Variants in ANGPT1 observed in about 807,000 individuals in gnomAD.
ANGPT1 encodes angiopoietin 1, also known as angiopoietin-1.
ANGPT1 carries 17 observed loss-of-function variants against 62.2 expected under a neutral mutation model. The observed-to-expected ratio is 0.27, with a 90% CI of 0.19 to 0.41. The LOEUF (loss-of-function observed/expected upper bound fraction) is 0.41, where lower values mean the gene tolerates loss of function less well. Among genes scored for constraint, ANGPT1 ranks in the 10% least tolerant of loss-of-function variants. ANGPT1 has a pLI of 1.00. For missense variants in ANGPT1, 478 were observed against 594.9 expected (o/e 0.80, Z 2.04); for synonymous variants, 199 against 198.9 (o/e 1.00, Z 0.00).
intron 3 of ANGPT1, among the ~76,000 whole-genome samples, chr8:107,330,226 A>G (rs1815388391): frequency 6.6e-6 from 1 of 152,184 alleles, no homozygotes; most frequent in Non-Finnish European, 1.5e-5. Context: ...CTCAATCTTC[A>G]TCTTAACTTC....
chr8:107,482,764 G>T (rs76370540), intron 1 of ANGPT1, among the ~76,000 whole-genome samples: 2,173 of 152,204 alleles, frequency 0.014, 46 homozygotes, highest in African/African-American at 0.049. Flanking sequence ...GGTGAGGTGG[G>T]TGTGTTTTGT....
chr8:107,480,324 G>C (rs1812645444), intron 1 of ANGPT1, among the ~76,000 whole-genome samples: 1 of 152,020 alleles, frequency 6.6e-6, no homozygotes, highest in Admixed American at 6.6e-5. Flanking sequence ...AGAAGAATAA[G>C]GTATCTATTT....
intron 4 of ANGPT1, among the ~76,000 whole-genome samples, chr8:107,310,161 A>G (rs1023145835): frequency 4.9e-4 from 74 of 152,292 alleles, no homozygotes; most frequent in African/African-American, 1.8e-3. Context: ...AATAAAATCA[A>G]CTAGCATTAA....
intron 6 of ANGPT1, among the ~76,000 whole-genome samples, chr8:107,287,744 C>T (rs1254198019): frequency 6.6e-6 from 1 of 152,124 alleles, no homozygotes; most frequent in African/African-American, 2.4e-5. Flanking sequence ...TCTCTGGCTC[C>T]AGATTAAAGC....
intron 5 of ANGPT1, among the ~76,000 whole-genome samples, chr8:107,299,422 A>ATATATATACACAC: frequency 8.6e-6 from 1 of 116,140 alleles, no homozygotes; most frequent in African/African-American, 3.1e-5. Context: ...TATATATATA[A>ATATATATACACAC]ACATACATAT....
In ANGPT1 at chr8:107,249,909, G is replaced by T. The variant is rs1257654952; in HGVS notation, c.*1946C>A. 1 of 152,490 alleles carries T rather than the reference G, an allele frequency of 6.6e-6. No homozygotes were observed. The highest frequency in any genetic ancestry group is 2.4e-5 in the African/African-American group (1 of 41,406). 9.4% of individuals were successfully genotyped at this position (152,490 alleles called of 1,614,324 possible). On this transcript the variant is annotated 3_prime_UTR_variant, in exon 9 of 9. Transcript: ENST00000517746. ...TCCCTTAAATGAAAACAGTTGAGAA[G>T]TTTTTAGAAGGAGAGGCTTACCTGC...
chr8:107,347,076 T>C lies in ANGPT1; in HGVS notation c.319A>G (p.Asn107Asp). 6.2e-7 allele frequency: 1 copy of C among 1,613,470 alleles called. No individual in the cohort carries two copies. The highest frequency in any genetic ancestry group is 2.2e-5 in the East Asian group (1 of 44,860). ...LQKLENYIVE[N>D]MKSEMAQIQQ... Reference sequence around the variant, plus strand: ...ATCTGGGCCATCTCCGACTTCATGTTTTCCACAATGTAATTCTCAAGCTGC... The same window carrying C: ...ATCTGGGCCATCTCCGACTTCATGTCTTCCACAATGTAATTCTCAAGCTGC... The change falls in exon 2 of 9, where the codon AAC (asparagine) becomes GAC (aspartate). Residue 107 changes from asparagine to aspartate, a missense_variant. This residue lies in a region of ANGPT1 where 343 missense variants were observed against 355.4 expected (regional missense o/e 0.97). Transcript: ENST00000517746.
chr8:107,396,574 T>G (rs911229035), intron 1 of ANGPT1, among the ~76,000 whole-genome samples: 4 of 131,300 alleles, frequency 3.0e-5, no homozygotes, highest in African/African-American at 1.2e-4. Flanking sequence ...CAGGCTAGAG[T>G]GCACACCATG....
At chr8:107,287,971 G>A (rs1814182920) in intron 6 of ANGPT1, among the ~76,000 whole-genome samples, 1 of 152,136 alleles carries the variant, frequency 6.6e-6, no homozygotes, top group Non-Finnish European at 1.5e-5. Flanking sequence ...ATAATACACA[G>A]TAATTTTCTG....
chr8:107,336,007 C>T, intron 3 of ANGPT1, 143 bp downstream of exon 3: 3 of 735,930 alleles, frequency 4.1e-6, no homozygotes, highest in Non-Finnish European at 5.7e-6. Flanking sequence ...TTAAGCTCTC[C>T]TTTATTTTTA....
At chr8:107,378,333 C>T (rs1336352239) in intron 1 of ANGPT1, among the ~76,000 whole-genome samples, 4 of 152,136 alleles carry the variant, frequency 2.6e-5, no homozygotes, top group Admixed American at 6.6e-5. Flanking sequence ...GAGAAAGGTG[C>T]ATTTAGAAAT....
intron 1 of ANGPT1, among the ~76,000 whole-genome samples, chr8:107,398,782 A>T (rs1816987031): frequency 6.6e-6 from 1 of 152,178 alleles, no homozygotes; most frequent in African/African-American, 2.4e-5. Flanking sequence ...TGGTAAAACA[A>T]GGAAAGATTA....
intron 1 of ANGPT1, among the ~76,000 whole-genome samples, chr8:107,405,323 G>T (rs1348228243): frequency 1.3e-5 from 2 of 151,596 alleles, no homozygotes; most frequent in Non-Finnish European, 2.9e-5. Flanking sequence ...CTCCTTAATG[G>T]TATATTGCAA....
chr8:107,401,801 C>T (rs1004361230), intron 1 of ANGPT1, among the ~76,000 whole-genome samples: 1 of 152,078 alleles, frequency 6.6e-6, no homozygotes, highest in African/African-American at 2.4e-5. Context: ...TTTTAGATGT[C>T]TCTCAATGCT....
At chr8:107,306,749 C>T (rs1364609930) in intron 4 of ANGPT1, among the ~76,000 whole-genome samples, 1 of 151,858 alleles carries the variant, frequency 6.6e-6, no homozygotes, top group African/African-American at 2.4e-5. Context: ...CAGATAGATA[C>T]AATAGACTTG....
Position 107,497,687 on chromosome 8 carries a change from T to C in ANGPT1, c.-129A>G. On this transcript the variant is annotated 5_prime_UTR_variant, in exon 1 of 9. Coordinates refer to ENST00000517746, the MANE Select transcript of ANGPT1 (RefSeq NM_001146.5). The stretch of plus-strand genomic sequence containing the variant: ...ACTCTTTCCCCCTCAAAGAAAGCGT[T>C]TGAAGAAGAATCATAGAAAACTAGC... 2 of 1,062,606 alleles carry C rather than the reference T, an allele frequency of 1.9e-6. No homozygotes were observed. The highest frequency in any genetic ancestry group is 1.3e-6 in the Non-Finnish European group (1 of 763,510). 65.8% of individuals were successfully genotyped at this position (1,062,606 alleles called of 1,614,324 possible).
chr8:107,298,960 G>A (rs1176388766), intron 5 of ANGPT1, among the ~76,000 whole-genome samples: 2 of 151,730 alleles, frequency 1.3e-5, no homozygotes, highest in East Asian at 3.9e-4. Flanking sequence ...AAGTCTTAAC[G>A]ATGAATTTTG....
At chr8:107,359,644 T>G (rs1352971622) in intron 1 of ANGPT1, among the ~76,000 whole-genome samples, 1 of 152,150 alleles carries the variant, frequency 6.6e-6, no homozygotes, top group Non-Finnish European at 1.5e-5. Context: ...TATACTAGCT[T>G]TCCATGGCTT....
At position 107,359,647 on chromosome 8, in the gene ANGPT1, C is replaced by T. The variant is rs535677852; in HGVS notation, c.298-12550G>A. Among the ~76,000 whole-genome samples, 16 of 152,210 alleles carry T rather than the reference C, an allele frequency of 1.1e-4. No individual in the cohort carries two copies. The South Asian group carries it at 3.3e-3, about 32-fold the overall frequency. ...AAGTGGCTTCAGTATACTAGCTTTC[C>T]ATGGCTTACAAACAAACAAAAACCA... On this transcript the variant is annotated intron_variant, in intron 1 of 8. Transcript: ENST00000517746.
Sources: gnomAD v4.1 joint callset for allele counts (sites outside exome capture counted in the v4.1 genomes callset) on GRCh38, gnomAD v4.1.1 for gene constraint, gnomAD v4.1.1 regional missense constraint, MANE v1.5 for transcripts, NCBI Gene and HGNC (gene_info 2026-07-23, HGNC 2026-07-21) for gene names.